The following HSD17B12 variants were observed in gnomAD, a reference collection of about 807,000 sequenced individuals.
HSD17B12 encodes very-long-chain 3-oxoacyl-CoA reductase.
Under a neutral mutation model 39.3 loss-of-function variants are expected in HSD17B12, and 32 were observed. The observed-to-expected ratio is 0.81, with a 90% CI of 0.61 to 1.09. HSD17B12 has a LOEUF of 1.09. HSD17B12 is among the 50% of genes least tolerant of loss of function. The probability of loss-of-function intolerance (pLI) is 0.00; values close to 1 mark genes in which losing one functional copy is unlikely to be tolerated. For synonymous variants in HSD17B12, 150 were observed against 146.7 expected, an observed-to-expected ratio of 1.02 and a Z score of -0.16; for missense variants, 342 against 382.9, an observed-to-expected ratio of 0.89 and a Z score of 0.89.
At chr11:43,754,363 A>G (rs1950491370) in intron 3 of HSD17B12, among the ~76,000 whole-genome samples, 1 of 152,164 alleles carries the variant, frequency 6.6e-6, no homozygotes, top group South Asian at 2.1e-4. Flanking sequence ...ACCTGAGATC[A>G]GGAGTTTGAG....
chr11:43,681,062 G>C, intron 1 of HSD17B12, 75 bp downstream of exon 1: 1 of 1,457,814 alleles, frequency 6.9e-7, no homozygotes, highest in Non-Finnish European at 9.1e-7. Flanking sequence ...GACTAGTTCT[G>C]GGGTCTGCTC....
chr11:43,648,056 C>T, the HSD17B12 span, among the ~76,000 whole-genome samples: 2 of 152,008 alleles, frequency 1.3e-5, no homozygotes, highest in East Asian at 3.9e-4. Flanking sequence ...AAAGCAAGAT[C>T]GTATGCATAT....
the HSD17B12 span, among the ~76,000 whole-genome samples, chr11:43,661,366 G>A: frequency 6.6e-6 from 1 of 152,156 alleles, no homozygotes; most frequent in Non-Finnish European, 1.5e-5. Flanking sequence ...TGGAAATGTT[G>A]TATATCTTGA....
At chr11:43,675,407 C>T in the HSD17B12 span, among the ~76,000 whole-genome samples, 29 of 152,122 alleles carry the variant, frequency 1.9e-4, no homozygotes, top group Non-Finnish European at 3.4e-4. Context: ...TGTAATAGAA[C>T]GACTCTGAGA....
chr11:43,722,774 G>A (rs548605092), intron 1 of HSD17B12, among the ~76,000 whole-genome samples: 4 of 151,992 alleles, frequency 2.6e-5, no homozygotes, highest in South Asian at 2.1e-4. Flanking sequence ...GCTTGAACCC[G>A]GGAGGCAGAG....
chr11:43,580,000 G>A, the HSD17B12 span, among the ~76,000 whole-genome samples: 4 of 151,858 alleles, frequency 2.6e-5, no homozygotes, highest in African/African-American at 9.7e-5. Context: ...CCCCACTGGG[G>A]GACTATACTG....
At chr11:43,774,276 C>A (rs1299785749) in intron 3 of HSD17B12, among the ~76,000 whole-genome samples, 1 of 151,496 alleles carries the variant, frequency 6.6e-6, no homozygotes, top group Non-Finnish European at 1.5e-5. Context: ...TGCAGTGGCA[C>A]AATCTCGGTT....
the HSD17B12 span, among the ~76,000 whole-genome samples, chr11:43,589,433 C>T: frequency 1.3e-5 from 2 of 152,176 alleles, no homozygotes; most frequent in African/African-American, 2.4e-5. Context: ...CACCAATTGT[C>T]CCCTGAACCT....
upstream of HSD17B12, chr11:43,680,473 A>G (rs1949730431): frequency 9.4e-6 from 3 of 317,512 alleles, no homozygotes; most frequent in South Asian, 9.0e-5. Context: ...TGACCGGCCA[A>G]TCCGAGCGCA....
chr11:43,803,798 A>G (rs996708504), intron 4 of HSD17B12, among the ~76,000 whole-genome samples: 6 of 152,206 alleles, frequency 3.9e-5, no homozygotes, highest in Admixed American at 2.6e-4. Flanking sequence ...AAAACTAAGC[A>G]TCTACTGTCT....
chr11:43,848,314 T>G (rs367986913), intron 9 of HSD17B12: 4 of 152,186 alleles, frequency 2.6e-5, no homozygotes, highest in East Asian at 3.9e-4. Context: ...AGTGATCTCC[T>G]TTTTTCTTGG....
intron 3 of HSD17B12, among the ~76,000 whole-genome samples, chr11:43,790,567 G>C (rs936205986): frequency 5.9e-5 from 9 of 152,188 alleles, no homozygotes; most frequent in African/African-American, 1.9e-4. Context: ...AACCAAGAGA[G>C]ATACTAAGTG....
chr11:43,822,596 C>A (rs912751888), intron 6 of HSD17B12, among the ~76,000 whole-genome samples: 1 of 152,048 alleles, frequency 6.6e-6, no homozygotes, highest in African/African-American at 2.4e-5. Flanking sequence ...GGTTTTTTGG[C>A]CTTGCGATAG....
At chr11:43,699,719 G>A (rs577034664) in intron 1 of HSD17B12, among the ~76,000 whole-genome samples, 1 of 152,198 alleles carries the variant, frequency 6.6e-6, no homozygotes, top group South Asian at 2.1e-4. Flanking sequence ...TTATTTGAAA[G>A]GTGATCCCAA....
the HSD17B12 span, among the ~76,000 whole-genome samples, chr11:43,596,286 G>A: frequency 3.7e-3 from 566 of 152,228 alleles, 4 homozygotes; most frequent in African/African-American, 0.013. Context: ...TGGCTGGTCT[G>A]GGGTTAGAAC....
rs1949845909 is a variant in HSD17B12, at chr11:43,690,383, TATATATATATATATA to T, written c.160+9397_160+9411del. On this transcript the variant is annotated intron_variant, in intron 1 of 10. Coordinates refer to ENST00000278353, the MANE Select transcript of HSD17B12 (RefSeq NM_016142.3). ...ATACATATATATATATATATATATA[TATATATATATATATA>T]TATATATTTTTTTTTTTTTTTTTCT... is the stretch of plus-strand genomic sequence containing the variant. 2.1e-3 allele frequency among the ~76,000 whole-genome samples: 29 copies of T among 13,614 alleles called. 3 individuals are homozygous for T. The highest frequency in any genetic ancestry group is 7.2e-3 in the African/African-American group (28 of 3,878). 8.9% of individuals were successfully genotyped at this position (13,614 alleles called of 152,430 possible).
chr11:43,737,131 C>G (rs1314942914), intron 1 of HSD17B12, among the ~76,000 whole-genome samples: 1 of 152,100 alleles, frequency 6.6e-6, no homozygotes, highest in African/African-American at 2.4e-5. Context: ...CAAGAAGGAA[C>G]CTGTTTGGAA....
the HSD17B12 span, chr11:43,581,355 G>A: frequency 2.1e-6 from 1 of 481,068 alleles, no homozygotes; most frequent in Non-Finnish European, 4.3e-6. The surrounding 1 kb of genome is among the most constrained non-coding windows in gnomAD (Gnocchi z 4.9). Flanking sequence ...AGACATCCTG[G>A]GCTGAAGGCG....
chr11:43,681,831 C>G (rs1241080524), intron 1 of HSD17B12, among the ~76,000 whole-genome samples: 1 of 142,914 alleles, frequency 7.0e-6, no homozygotes, highest in Non-Finnish European at 1.6e-5. Flanking sequence ...TGCTCCCCCC[C>G]CCCTTTTTTT....
Sources: allele counts gnomAD v4.1 joint callset (sites outside exome capture counted in the v4.1 genomes callset), GRCh38; gene constraint gnomAD v4.1.1; non-coding constraint Gnocchi (gnomAD v3.1); transcripts MANE v1.5; gene names NCBI Gene and HGNC (gene_info 2026-07-23, HGNC 2026-07-21).